ACAT1: variants seen among roughly 807,000 people sequenced by gnomAD.
ACAT1 encodes the protein acetyl-CoA acetyltransferase 1.
ACAT1 carries 28 observed loss-of-function variants against 47.3 expected under a neutral mutation model. That is an observed-to-expected ratio of 0.59 (90% CI 0.44 to 0.81). The LOEUF (loss-of-function observed/expected upper bound fraction) is 0.81, where lower values mean the gene tolerates loss of function less well. ACAT1 is among the 30% of genes least tolerant of loss of function. The probability of loss-of-function intolerance (pLI) is 0.00; values close to 1 mark genes in which losing one functional copy is unlikely to be tolerated. For synonymous variants in ACAT1, 181 were observed against 173.6 expected, an observed-to-expected ratio of 1.04 and a Z score of -0.34; for missense variants, 469 against 524.3, an observed-to-expected ratio of 0.89 and a Z score of 1.03.
At chr11:108,125,189 T>G (rs1277887195) in intron 1 of ACAT1, among the ~76,000 whole-genome samples, 2 of 152,222 alleles carry the variant, frequency 1.3e-5, no homozygotes, top group Non-Finnish European at 2.9e-5. Flanking sequence ...CTGGAACAAT[T>G]AGAATGTGCA....
intron 8 of ACAT1, among the ~76,000 whole-genome samples, 163 bp from the exon 9 acceptor site, chr11:108,142,274 G>A (rs1248720017): frequency 6.6e-6 from 1 of 152,166 alleles, no homozygotes; most frequent in Non-Finnish European, 1.5e-5. Flanking sequence ...ACATTGTCTT[G>A]CAGTTAGCTG....
Position 108,134,307 on chromosome 11 carries a change from T to C in ACAT1, c.325T>C (p.Leu109=), listed in dbSNP as rs772625970. The C allele has an allele frequency of 1.5e-5, 25 of 1,613,164 alleles. 1 individual carries two copies. The South Asian group carries it at 2.5e-4, about 16-fold the overall frequency. The change falls in exon 4 of 12, where the codon TTG becomes CTG. Residue 109 remains leucine (L), a synonymous_variant. Coordinates refer to ENST00000265838, the MANE Select transcript of ACAT1 (RefSeq NM_000019.4). ...ACAAGCTCCTACAAGGCAGGCAGTATTGGGTGCAGGTACCTGGAAGACTTT... is the reference window on the plus strand; with the variant it reads ...ACAAGCTCCTACAAGGCAGGCAGTACTGGGTGCAGGTACCTGGAAGACTTT... ...EGQAPTRQAV[L]GAGLPISTPC... is the part of the protein sequence containing the mutation.
intron 5 of ACAT1, among the ~76,000 whole-genome samples, chr11:108,137,731 T>A (rs1389111522): frequency 1.3e-5 from 2 of 151,870 alleles, no homozygotes; most frequent in African/African-American, 4.8e-5. Context: ...CGCTTGAGTC[T>A]GGGAGTTTGA....
At chr11:108,124,357 G>A (rs538469797) in intron 1 of ACAT1, among the ~76,000 whole-genome samples, 1 of 152,222 alleles carries the variant, frequency 6.6e-6, no homozygotes, top group East Asian at 1.9e-4. Flanking sequence ...TTGGCCTCCC[G>A]GGTTCAAGCA....
chr11:108,133,700 GA>G (rs113132606), intron 2 of ACAT1, 119 bp from the exon 3 acceptor site: 14 of 805,022 alleles, frequency 1.7e-5, no homozygotes, highest in African/African-American at 1.0e-4. Context: ...TTCAACTATT[GA>G]GATTAATTTT....
chr11:108,145,497 C>G (rs1458316855), intron 10 of ACAT1, among the ~76,000 whole-genome samples: 2 of 151,472 alleles, frequency 1.3e-5, no homozygotes, highest in African/African-American at 2.4e-5. Flanking sequence ...TGTGCCATTC[C>G]ACTTCAGCCT....
At chr11:108,133,591 T>C (rs1436476517) in intron 2 of ACAT1, among the ~76,000 whole-genome samples, 1 of 152,170 alleles carries the variant, frequency 6.6e-6, no homozygotes, top group Non-Finnish European at 1.5e-5. Flanking sequence ...TCAAACCTCC[T>C]GTAGAGAACT....
rs770967192 is a variant in ACAT1 at position 108,146,379 on chromosome 11, A to C, written c.1163+20A>C. ...AATTGGGTAGGTAAAAATAATAACTATATCTAGGTTAAGAGCTGCCTTTGT... is the reference window on the plus strand; with the variant it reads ...AATTGGGTAGGTAAAAATAATAACTCTATCTAGGTTAAGAGCTGCCTTTGT... On this transcript the variant is annotated intron_variant, in intron 11 of 11. Transcript: ENST00000265838. 67 of 1,612,120 alleles carry C rather than the reference A, an allele frequency of 4.2e-5. No homozygotes were observed. The highest frequency in any genetic ancestry group is 3.7e-4 in the Admixed American group (22 of 59,990).
intron 5 of ACAT1, chr11:108,136,481 C>T (rs753590073): frequency 7.8e-5 from 14 of 179,608 alleles, no homozygotes; most frequent in South Asian, 4.0e-4. Flanking sequence ...AGGTGAAAAA[C>T]GGTCACCAGA....
chr11:108,128,321 T>C (rs1207937983), intron 1 of ACAT1, among the ~76,000 whole-genome samples: 2 of 152,222 alleles, frequency 1.3e-5, no homozygotes, highest in Admixed American at 1.3e-4. Context: ...CCATGTGCAG[T>C]GGCTCATGCC....
At position 108,136,105 on chromosome 11, in the gene ACAT1, C is replaced by G. The variant is rs763988169; in HGVS notation, c.435+863C>G. The G allele has an allele frequency of 2.0e-5, 14 of 704,010 alleles. No homozygotes were observed. The South Asian group carries it at 2.2e-4, about 11-fold the overall frequency. The allele number at this position is 704,010 out of a possible 1,614,324, so 43.6% of individuals were successfully genotyped here. A position where few individuals can be genotyped will look rare whatever the true frequency, so the allele number is the denominator to read the frequency against. ...AGACAGGCTCCTTAGCAAAAATATG[C>G]TGTCATGTCAGGAGGTGAGACCTGG... On this transcript the variant is annotated intron_variant, in intron 5 of 11. Transcript: ENST00000265838.
At chr11:108,125,801 T>C (rs1434473228) in intron 1 of ACAT1, among the ~76,000 whole-genome samples, 7 of 151,738 alleles carry the variant, frequency 4.6e-5, no homozygotes, top group African/African-American at 7.2e-5. Flanking sequence ...TGGCGGGCGC[T>C]TGTAGTCCCA....
At chr11:108,118,406 G>A (rs1447237628), upstream of ACAT1, among the ~76,000 whole-genome samples, 1 of 150,034 alleles carries the variant, frequency 6.7e-6, no homozygotes, top group African/African-American at 2.5e-5. Flanking sequence ...ACGGAGTCTC[G>A]CTCTGTCACC....
chr11:108,117,248 G>T (rs1864967932), upstream of ACAT1, among the ~76,000 whole-genome samples: 1 of 151,786 alleles, frequency 6.6e-6, no homozygotes. Context: ...GGAGGCTGCA[G>T]TGAGTTATGA....
chr11:108,146,056 A>T, intron 10 of ACAT1, 146 bp from the exon 11 acceptor site: 4 of 752,776 alleles, frequency 5.3e-6, no homozygotes, highest in Middle Eastern at 4.2e-4. Context: ...AAAAAAAAAA[A>T]TCTGAAAATA....
intron 8 of ACAT1, 114 bp downstream of exon 8, chr11:108,141,814 C>T (rs2077593998): frequency 2.7e-6 from 2 of 734,466 alleles, no homozygotes; most frequent in Admixed American, 4.4e-5. Flanking sequence ...TGTTATTTAA[C>T]ATTTTCAGTA....
At chr11:108,121,969 A>T (rs149068838) in intron 1 of ACAT1, 14,988 of 516,834 alleles carry the variant, frequency 0.029, 304 homozygotes, top group Non-Finnish European at 0.038. Flanking sequence ...CAGGACCGCC[A>T]GGATTGGCGC....
chr11:108,131,807 G>T, intron 1 of ACAT1, 100 bp from the exon 2 acceptor site: 3 of 473,422 alleles, frequency 6.3e-6, no homozygotes, highest in Non-Finnish European at 1.1e-5. Context: ...AAAAGCATAA[G>T]GATGCAGGAA....
At chr11:108,117,453 G>A (rs1029364086), upstream of ACAT1, among the ~76,000 whole-genome samples, 17 of 151,924 alleles carry the variant, frequency 1.1e-4, no homozygotes, top group Non-Finnish European at 1.9e-4. Context: ...GCTTACAGAA[G>A]CCCATCACCA....
Sources: gnomAD v4.1 joint callset for allele counts (sites outside exome capture counted in the v4.1 genomes callset) on GRCh38, gnomAD v4.1.1 for gene constraint, MANE v1.5 for transcripts, NCBI Gene and HGNC (gene_info 2026-07-23, HGNC 2026-07-21) for gene names.